MSRA: variants seen among roughly 807,000 people sequenced by gnomAD.
MSRA encodes mitochondrial peptide methionine sulfoxide reductase.
Under a neutral mutation model 31.3 loss-of-function variants are expected in MSRA, and 54 were observed. That is an observed-to-expected ratio of 1.73 (90% CI 1.39 to 2.17). MSRA has a LOEUF of 2.17. Among genes scored for constraint, MSRA ranks in the 30% most tolerant of loss-of-function variants. The pLI is 0.00. For synonymous variants in MSRA, 169 were observed against 116.5 expected, an observed-to-expected ratio of 1.45 and a Z score of -2.90; for missense variants, 507 against 300.9, an observed-to-expected ratio of 1.69 and a Z score of -5.07.
chr8:10,187,411 A>G lies in MSRA; in HGVS notation c.143-20422A>G, dbSNP rs1322669328. On this transcript the variant is annotated intron_variant, in intron 1 of 5. Coordinates refer to ENST00000317173, the MANE Select transcript of MSRA (RefSeq NM_012331.5). The stretch of plus-strand genomic sequence containing the variant: ...CTTGATTTACACCGGTACCCAAGCT[A>G]CCTTCCACCACCAGCTTCTGCCGCA... 2.6e-5 allele frequency among the ~76,000 whole-genome samples: 4 copies of G among 152,218 alleles called. No individual in the cohort carries two copies. In the East Asian group the frequency reaches 5.8e-4, roughly 22 times the overall value.
At chr8:10,283,802 C>CATATATATATATATAT (rs375322603) in intron 3 of MSRA, among the ~76,000 whole-genome samples, 9 of 46,148 alleles carry the variant, frequency 2.0e-4, no homozygotes, top group East Asian at 2.5e-3. Flanking sequence ...TATTCTATCT[C>CATATATATATATATAT]ATATATATAT....
intron 1 of MSRA, among the ~76,000 whole-genome samples, chr8:10,064,505 C>T (rs1373496729): frequency 1.3e-5 from 2 of 152,118 alleles, no homozygotes; most frequent in African/African-American, 4.8e-5. Flanking sequence ...CATCATGATA[C>T]AGCGAAGGCT....
intron 4 of MSRA, among the ~76,000 whole-genome samples, chr8:10,311,157 C>G (rs570101232): frequency 9.9e-4 from 150 of 152,200 alleles, no homozygotes; most frequent in African/African-American, 3.5e-3. Flanking sequence ...TTTCTAGGTT[C>G]CAGGAATGGC....
At chr8:10,369,643 T>C (rs1287758560) in intron 5 of MSRA, among the ~76,000 whole-genome samples, 4 of 152,178 alleles carry the variant, frequency 2.6e-5, no homozygotes, top group Non-Finnish European at 5.9e-5. Flanking sequence ...GATTTTAGGA[T>C]GAAAACTTAA....
chr8:10,062,220 C>G (rs1333975651), intron 1 of MSRA, among the ~76,000 whole-genome samples: 2 of 152,212 alleles, frequency 1.3e-5, no homozygotes, highest in East Asian at 1.9e-4. Flanking sequence ...TGGCCAGGCT[C>G]CTTCCCATGC....
chr8:10,225,086 G>A (rs969204428), intron 2 of MSRA, among the ~76,000 whole-genome samples: 4 of 152,172 alleles, frequency 2.6e-5, no homozygotes, highest in Admixed American at 1.3e-4. Flanking sequence ...GCAATGAGCC[G>A]AGATCGCATC....
intron 3 of MSRA, among the ~76,000 whole-genome samples, chr8:10,262,962 C>G (rs1798558179): frequency 6.6e-6 from 1 of 152,214 alleles, no homozygotes; most frequent in Non-Finnish European, 1.5e-5. Context: ...GTAGCTGACT[C>G]TGGCCCTGGT....
intron 5 of MSRA, among the ~76,000 whole-genome samples, chr8:10,385,946 G>C (rs557116344): frequency 6.6e-6 from 1 of 152,200 alleles, no homozygotes; most frequent in South Asian, 2.1e-4. Context: ...CAGACACCAG[G>C]AAAGAAAAAG....
chr8:10,418,341 C>T (rs1054263518), intron 5 of MSRA, among the ~76,000 whole-genome samples: 1 of 152,100 alleles, frequency 6.6e-6, no homozygotes, highest in South Asian at 2.1e-4. Flanking sequence ...GCCACAAGGG[C>T]CTTCAAACTG....
intron 3 of MSRA, among the ~76,000 whole-genome samples, chr8:10,262,955 G>C (rs1187363898): frequency 2.6e-5 from 4 of 152,136 alleles, no homozygotes; most frequent in African/African-American, 7.2e-5. Context: ...GACTTTAGTA[G>C]CTGACTCTGG....
At chr8:10,071,953 T>G (rs1428689002) in intron 1 of MSRA, among the ~76,000 whole-genome samples, 1 of 152,138 alleles carries the variant, frequency 6.6e-6, no homozygotes, top group Non-Finnish European at 1.5e-5. Flanking sequence ...CAGTAGTGCG[T>G]ATGGGTCCCC....
rs1010855893 is a variant in MSRA at position 10,215,675 on chromosome 8, C to T, written c.211+7774C>T. Among the ~76,000 whole-genome samples, 5 of 152,214 alleles carry T rather than the reference C, an allele frequency of 3.3e-5. No homozygotes were observed. The East Asian group carries it at 5.8e-4, about 18-fold the overall frequency. ...ATGTTATTAAACTCTCTATCAGGCT[C>T]ACTCTCACCATGTGTCCAAGTGAGA... is the stretch of plus-strand genomic sequence containing the variant. On this transcript the variant is annotated intron_variant, in intron 2 of 5. Coordinates refer to ENST00000317173, the MANE Select transcript of MSRA (RefSeq NM_012331.5).
intron 3 of MSRA, among the ~76,000 whole-genome samples, chr8:10,286,377 G>T (rs1799939067): frequency 6.6e-6 from 1 of 152,106 alleles, no homozygotes; most frequent in Non-Finnish European, 1.5e-5. Context: ...AGATCTCATG[G>T]TTATAAAAAG....
At chr8:10,399,210 A>G (rs994768331) in intron 5 of MSRA, among the ~76,000 whole-genome samples, 1 of 152,236 alleles carries the variant, frequency 6.6e-6, no homozygotes, top group Non-Finnish European at 1.5e-5. Context: ...ACAGAGGACA[A>G]TCTGTATCCT....
chr8:10,265,514 C>T (rs1026192084), intron 3 of MSRA, among the ~76,000 whole-genome samples: 1 of 152,206 alleles, frequency 6.6e-6, no homozygotes, highest in East Asian at 1.9e-4. Flanking sequence ...GGTGATGACT[C>T]AGCATTGTCA....
intron 5 of MSRA, among the ~76,000 whole-genome samples, chr8:10,407,765 C>T (rs1807908289): frequency 1.3e-5 from 2 of 152,266 alleles, no homozygotes; most frequent in South Asian, 4.1e-4. Context: ...TTGGTCTAAA[C>T]ACCCCAGCAC....
intron 3 of MSRA, among the ~76,000 whole-genome samples, chr8:10,284,290 G>A (rs1353363515): frequency 6.6e-6 from 1 of 152,082 alleles, no homozygotes; most frequent in Non-Finnish European, 1.5e-5. Context: ...CCAGGTTCAA[G>A]CAATTCTCCT....
chr8:10,140,536 T>C (rs1214340539), intron 1 of MSRA, among the ~76,000 whole-genome samples: 2 of 152,240 alleles, frequency 1.3e-5, no homozygotes, highest in Non-Finnish European at 2.9e-5. Flanking sequence ...AATTCACGTT[T>C]TAGCATACCA....
intron 1 of MSRA, among the ~76,000 whole-genome samples, chr8:10,094,522 G>C (rs1196149844): frequency 6.6e-6 from 1 of 152,232 alleles, no homozygotes; most frequent in African/African-American, 2.4e-5. Context: ...TTCATAAGTG[G>C]TAAATGAGCA....
Sources: gnomAD v4.1 joint callset for allele counts (sites outside exome capture counted in the v4.1 genomes callset) on GRCh38, gnomAD v4.1.1 for gene constraint, MANE v1.5 for transcripts, NCBI Gene and HGNC (gene_info 2026-07-23, HGNC 2026-07-21) for gene names.